Variants in GSG1L observed in about 807,000 individuals in gnomAD.
GSG1L encodes GSG1 like, also known as germ cell-specific gene 1-like protein.
In GSG1L, 24 loss-of-function variants were observed where a neutral mutation model predicts 42.1. That is an observed-to-expected ratio of 0.57 (90% CI 0.41 to 0.80). GSG1L has a LOEUF of 0.80. Ranked by LOEUF, GSG1L falls within the 30% of genes least tolerant of loss-of-function variation. GSG1L has a pLI of 0.00. For synonymous variants in GSG1L, 215 were observed against 203.5 expected (o/e 1.06, Z -0.48); for missense variants, 445 against 472.2 (o/e 0.94, Z 0.53).
intron 1 of GSG1L, among the ~76,000 whole-genome samples, chr16:28,009,256 A>T (rs2085685797): frequency 6.6e-6 from 1 of 151,924 alleles, no homozygotes; most frequent in Non-Finnish European, 1.5e-5. Context: ...CACACACCAA[A>T]CACTGTCCAG....
intron 5 of GSG1L, among the ~76,000 whole-genome samples, chr16:27,823,189 G>C (rs1221367355): frequency 6.6e-6 from 1 of 152,150 alleles, no homozygotes; most frequent in Non-Finnish European, 1.5e-5. Context: ...ACGACAGGCA[G>C]GGTGACGCTG....
chr16:27,888,515 CTT>C lies in GSG1L; in HGVS notation c.398-3879_398-3878del, dbSNP rs1467984226. 2.5e-4 allele frequency among the ~76,000 whole-genome samples: 4 copies of C among 15,966 alleles called. No individual in the cohort carries two copies. The East Asian group carries it at 8.5e-3, about 34-fold the overall frequency. The allele number at this position is 15,966 out of a possible 152,430, so 10.5% of individuals were successfully genotyped here. The stretch of plus-strand genomic sequence containing the variant: ...TCTTTCTTTCTTTCTTTCTTTCTTT[CTT>C]TCTTTCTTTCTTTCTTTCTTTCTTT... On this transcript the variant is annotated intron_variant, in intron 2 of 6. Coordinates refer to ENST00000447459, the MANE Select transcript of GSG1L (RefSeq NM_001109763.2).
chr16:27,856,298 A>G (rs1025227948), intron 3 of GSG1L, among the ~76,000 whole-genome samples: 1 of 152,106 alleles, frequency 6.6e-6, no homozygotes, highest in Non-Finnish European at 1.5e-5. Context: ...TAGATTCTTC[A>G]TGAATGTTTT....
At chr16:27,934,121 C>G (rs78340705) in intron 2 of GSG1L, among the ~76,000 whole-genome samples, 12 of 152,316 alleles carry the variant, frequency 7.9e-5, no homozygotes, top group African/African-American at 2.4e-4. Context: ...TTCCCCAGCA[C>G]GCAGGTCATT....
At chr16:28,054,346 C>T (rs2086255938) in intron 1 of GSG1L, among the ~76,000 whole-genome samples, 1 of 152,198 alleles carries the variant, frequency 6.6e-6, no homozygotes, top group African/African-American at 2.4e-5. Flanking sequence ...AAGCTTGGGG[C>T]CAAGTCCTCT....
At chr16:27,956,233 A>G (rs761395144) in intron 2 of GSG1L, among the ~76,000 whole-genome samples, 1 of 152,258 alleles carries the variant, frequency 6.6e-6, no homozygotes, top group Non-Finnish European at 1.5e-5. Context: ...CAGTTCTTCA[A>G]TCTCAGAAGA....
chr16:27,945,885 G>A (rs1209290344), intron 2 of GSG1L, among the ~76,000 whole-genome samples: 1 of 152,234 alleles, frequency 6.6e-6, no homozygotes, highest in African/African-American at 2.4e-5. Flanking sequence ...TGCAAATGAT[G>A]AGGCCACAGG....
chr16:27,875,687 C>T (rs2083879267), intron 3 of GSG1L, among the ~76,000 whole-genome samples: 1 of 152,194 alleles, frequency 6.6e-6, no homozygotes, highest in Admixed American at 6.5e-5. Flanking sequence ...CCCAACCAAA[C>T]CTGGCTAATG....
rs1424625782 is a variant in GSG1L, at chr16:28,055,478, A to T, written c.349+7598T>A. Among the ~76,000 whole-genome samples the T allele has an allele frequency of 8.9e-5, 13 of 145,426 alleles. No individual in the cohort carries two copies. In the East Asian group the frequency reaches 2.7e-3, roughly 30 times the overall value. On this transcript the variant is annotated intron_variant, in intron 1 of 6. Coordinates refer to ENST00000447459, the MANE Select transcript of GSG1L (RefSeq NM_001109763.2). ...ACTCCCCCTTTTATTATTTTTTTTA[A>T]TTTTTTTTTTTAAGACGGAGTCTTG...
At position 28,063,467 on chromosome 16, in the gene GSG1L, C is replaced by G; in HGVS notation, c.-43G>C. 1 of 1,134,886 alleles carries G rather than the reference C, an allele frequency of 8.8e-7. No individual in the cohort carries two copies. The highest frequency in any genetic ancestry group is 1.1e-6 in the Non-Finnish European group (1 of 924,018). 70.3% of individuals were successfully genotyped at this position (1,134,886 alleles called of 1,614,324 possible). The stretch of plus-strand genomic sequence containing the variant: ...GACGGGACTGCACCGCCGGGGAGCT[C>G]CGCGCGCGAAGTTGGCAGCTGGCGC... On this transcript the variant is annotated 5_prime_UTR_variant, in exon 1 of 7. Coordinates refer to ENST00000447459, the MANE Select transcript of GSG1L (RefSeq NM_001109763.2). This position sits in a 1 kb window ranked among gnomAD's most constrained non-coding sequence, Gnocchi z 5.8.
chr16:27,898,169 G>A (rs575312930), intron 2 of GSG1L, among the ~76,000 whole-genome samples: 161 of 152,126 alleles, frequency 1.1e-3, no homozygotes, highest in African/African-American at 3.7e-3. Context: ...GATATGTCAC[G>A]GTGACCTTGG....
intron 1 of GSG1L, among the ~76,000 whole-genome samples, chr16:27,991,618 T>G (rs2141135414): frequency 6.6e-6 from 1 of 152,104 alleles, no homozygotes; most frequent in African/African-American, 2.4e-5. Flanking sequence ...TTGGTCAGGT[T>G]GGTCTCAAAC....
intron 1 of GSG1L, among the ~76,000 whole-genome samples, chr16:27,975,188 C>T (rs769986399): frequency 1.3e-5 from 2 of 152,236 alleles, no homozygotes; most frequent in African/African-American, 4.8e-5. Flanking sequence ...CTGTCAAAAC[C>T]GCAACAGGGA....
At chr16:27,958,834 C>T (rs2085035438) in intron 2 of GSG1L, among the ~76,000 whole-genome samples, 1 of 151,884 alleles carries the variant, frequency 6.6e-6, no homozygotes, top group African/African-American at 2.4e-5. Context: ...GCCACCATGC[C>T]CAGTTAATTT....
intron 3 of GSG1L, among the ~76,000 whole-genome samples, chr16:27,867,600 A>G: frequency 6.6e-6 from 1 of 152,172 alleles, no homozygotes; most frequent in South Asian, 2.1e-4. Context: ...AGACTCCAGG[A>G]GCTCAGCCTT....
intron 2 of GSG1L, among the ~76,000 whole-genome samples, chr16:27,895,305 G>C (rs937624633): frequency 2.0e-5 from 3 of 152,076 alleles, no homozygotes; most frequent in African/African-American, 2.4e-5. Flanking sequence ...GGCTGAGCTG[G>C]GGCTGCCCTC....
chr16:27,861,963 C>T (rs2083658310), intron 3 of GSG1L, among the ~76,000 whole-genome samples: 2 of 152,228 alleles, frequency 1.3e-5, no homozygotes, highest in Non-Finnish European at 1.5e-5. Context: ...CTAGTGGTCT[C>T]GACTCTCTCA....
chr16:27,901,189 A>G (rs1246921732), intron 2 of GSG1L, among the ~76,000 whole-genome samples: 1 of 152,198 alleles, frequency 6.6e-6, no homozygotes, highest in Non-Finnish European at 1.5e-5. Flanking sequence ...TTGACACAGG[A>G]TATAACAAGA....
At chr16:27,903,213 C>G (rs919002700) in intron 2 of GSG1L, among the ~76,000 whole-genome samples, 1 of 152,018 alleles carries the variant, frequency 6.6e-6, no homozygotes. Flanking sequence ...GCTAGGAGCC[C>G]GCAGAAGAGG....
Sources: allele counts gnomAD v4.1 joint callset (sites outside exome capture counted in the v4.1 genomes callset), GRCh38; gene constraint gnomAD v4.1.1; non-coding constraint Gnocchi (gnomAD v3.1); transcripts MANE v1.5; gene names NCBI Gene and HGNC (gene_info 2026-07-23, HGNC 2026-07-21).